GTF2IRD1: variants seen among roughly 807,000 people sequenced by gnomAD.
The protein encoded by GTF2IRD1 is general transcription factor II-I repeat domain-containing protein 1.
A neutral mutation model predicts 113.2 loss-of-function variants in GTF2IRD1; 26 were observed. The observed-to-expected ratio is 0.23, with a 90% confidence interval of 0.17 to 0.32. The LOEUF is 0.32. Ranked by LOEUF, GTF2IRD1 falls within the 10% of genes least tolerant of loss-of-function variation. GTF2IRD1 has a pLI of 1.00. For missense variants in GTF2IRD1, 864 were observed against 1,280.8 expected, an observed-to-expected ratio of 0.67 and a Z score of 4.97; for synonymous variants, 484 against 529.1, an observed-to-expected ratio of 0.91 and a Z score of 1.17.
intron 1 of GTF2IRD1, among the ~76,000 whole-genome samples, chr7:74,488,752 GAA>G (rs1305068522): frequency 2.0e-5 from 3 of 149,744 alleles, no homozygotes; most frequent in African/African-American, 4.9e-5. Flanking sequence ...GGTGACAGAA[GAA>G]AAAAAGAGAG....
chr7:74,479,590 C>T lies in GTF2IRD1; in HGVS notation c.-7+25414C>T, dbSNP rs936679833. Among the ~76,000 whole-genome samples the T allele has an allele frequency of 7.2e-5, 11 of 152,272 alleles. No individual in the cohort carries two copies. The East Asian group carries it at 1.9e-3, about 27-fold the overall frequency. ...CCTGTCTCCCCTCCTCACCTGCAAACGCCAACTCCCCTGGGAGGGTCCCGG... is the reference window on the plus strand; with the variant it reads ...CCTGTCTCCCCTCCTCACCTGCAAATGCCAACTCCCCTGGGAGGGTCCCGG... On this transcript the variant is annotated intron_variant, in intron 1 of 26. Coordinates refer to ENST00000424337, the MANE Select transcript of GTF2IRD1 (RefSeq NM_005685.4).
intron 1 of GTF2IRD1, among the ~76,000 whole-genome samples, chr7:74,496,175 A>G (rs951642723): frequency 1.3e-5 from 2 of 151,194 alleles, no homozygotes; most frequent in Non-Finnish European, 2.9e-5. Context: ...GTATGTGTGT[A>G]TGCATGTGAG....
Position 74,504,962 on chromosome 7 carries a change from C to A in GTF2IRD1, c.-6-3113C>A, listed in dbSNP as rs1455257156. Among the ~76,000 whole-genome samples, 5 of 152,082 alleles carry A rather than the reference C, an allele frequency of 3.3e-5. No homozygotes were observed. In the South Asian group the frequency reaches 1.0e-3, roughly 32 times the overall value. ...ACCTCAAGTGATCTGCCTGCTTCACCCTCTCAAAGCGCTGGGATTACAGAC... is the reference window on the plus strand; with the variant it reads ...ACCTCAAGTGATCTGCCTGCTTCACACTCTCAAAGCGCTGGGATTACAGAC... On this transcript the variant is annotated intron_variant, in intron 1 of 26. Coordinates refer to ENST00000424337, the MANE Select transcript of GTF2IRD1 (RefSeq NM_005685.4).
chr7:74,599,204 G>A (rs1802598183), intron 25 of GTF2IRD1, among the ~76,000 whole-genome samples: 1 of 152,156 alleles, frequency 6.6e-6, no homozygotes, highest in Non-Finnish European at 1.5e-5. Context: ...AGCTTGGGAG[G>A]TGGAGGTTGC....
At chr7:74,600,350 T>G (rs1391742926) in intron 25 of GTF2IRD1, among the ~76,000 whole-genome samples, 13 of 151,980 alleles carry the variant, frequency 8.6e-5, no homozygotes, top group Non-Finnish European at 1.0e-4. Flanking sequence ...GCCCAGGACT[T>G]GGAAGCTGCA....
At position 74,512,433 on chromosome 7, in the gene GTF2IRD1, G is replaced by A. The variant is rs986974361; in HGVS notation, c.124-397G>A. Among the ~76,000 whole-genome samples, 4 of 152,146 alleles carry A rather than the reference G, an allele frequency of 2.6e-5. No homozygotes were observed. Among genetic ancestry groups the A allele is most frequent in the East Asian group, 1.9e-4 (1 of 5,176 alleles). ...CTCAAGTCCCACAGCAGAAGTGGCC[G>A]AGGTGGGATTGCAGCCCCAGTCTGT... On this transcript the variant is annotated intron_variant, in intron 2 of 26. Coordinates refer to ENST00000424337, the MANE Select transcript of GTF2IRD1 (RefSeq NM_005685.4). This position sits in a 1 kb window ranked among gnomAD's most constrained non-coding sequence, Gnocchi z 4.4.
At chr7:74,499,809 C>T (rs1234386475) in intron 1 of GTF2IRD1, among the ~76,000 whole-genome samples, 1 of 151,954 alleles carries the variant, frequency 6.6e-6, no homozygotes, top group Non-Finnish European at 1.5e-5. Flanking sequence ...AATGAATGCA[C>T]ACGAAAGAAA....
intron 17 of GTF2IRD1, among the ~76,000 whole-genome samples, chr7:74,548,433 A>T (rs1466413960): frequency 1.3e-5 from 2 of 151,928 alleles, no homozygotes; most frequent in Non-Finnish European, 2.9e-5. Flanking sequence ...AAAAAAAAAA[A>T]AAGTCCCTTT....
chr7:74,585,219 C>T (rs1484755236), intron 22 of GTF2IRD1, among the ~76,000 whole-genome samples: 3 of 148,848 alleles, frequency 2.0e-5, no homozygotes, highest in Non-Finnish European at 4.4e-5. Flanking sequence ...TCAAGGGATT[C>T]TCCTGCTTCA....
chr7:74,471,978 T>C (rs1794140760), intron 1 of GTF2IRD1, among the ~76,000 whole-genome samples: 1 of 152,100 alleles, frequency 6.6e-6, no homozygotes, highest in South Asian at 2.1e-4. Flanking sequence ...GGCGACAGAA[T>C]GAGACTCTGT....
chr7:74,584,179 G>C (rs184632386), intron 22 of GTF2IRD1, among the ~76,000 whole-genome samples: 11 of 152,164 alleles, frequency 7.2e-5, no homozygotes, highest in South Asian at 2.1e-4. Context: ...AGAGGGCCTG[G>C]GTACGGTGGC....
At chr7:74,485,750 T>C (rs1402251472) in intron 1 of GTF2IRD1, among the ~76,000 whole-genome samples, 2 of 151,992 alleles carry the variant, frequency 1.3e-5, no homozygotes, top group Admixed American at 1.3e-4. Context: ...AGCAAGACTC[T>C]GTCTCTACTA....
At chr7:74,526,872 G>C (rs1797631587) in intron 8 of GTF2IRD1, among the ~76,000 whole-genome samples, 1 of 152,182 alleles carries the variant, frequency 6.6e-6, no homozygotes, top group African/African-American at 2.4e-5. Context: ...CGAGCTAAGT[G>C]TGACATCTCA....
Position 74,574,973 on chromosome 7 carries a change from C to T in GTF2IRD1, c.2321-14878C>T, listed in dbSNP as rs190143723. On this transcript the variant is annotated intron_variant, in intron 22 of 26. Transcript: ENST00000424337. ...AGCATCATGACACACACCTATAATC[C>T]CAGCTACTTGGGAGGCTGAGGCAGG... Among the ~76,000 whole-genome samples, 21 of 152,170 alleles carry T rather than the reference C, an allele frequency of 1.4e-4. 1 individual carries two copies. The highest frequency in any genetic ancestry group is 4.3e-4 in the African/African-American group (18 of 41,490).
chr7:74,510,307 T>C (rs1796548169), intron 2 of GTF2IRD1, among the ~76,000 whole-genome samples: 1 of 70,048 alleles, frequency 1.4e-5, no homozygotes, highest in African/African-American at 8.4e-5. Context: ...CTATTTGCAA[T>C]TTTTTTTTTT....
intron 17 of GTF2IRD1, among the ~76,000 whole-genome samples, chr7:74,547,952 G>A (rs1427733360): frequency 3.3e-5 from 5 of 152,090 alleles, no homozygotes; most frequent in African/African-American, 7.2e-5. Context: ...CCAGGCTGGC[G>A]TGTTGGTGTC....
In GTF2IRD1 at chr7:74,514,480, C is replaced by T. The variant is rs375152755; in HGVS notation, c.266-961C>T. ...GCCGCTATTTATAGCACCAGGAACTCGGCTGGTTTATTTCAAGCTCCGCAG... is the reference window on the plus strand; with the variant it reads ...GCCGCTATTTATAGCACCAGGAACTTGGCTGGTTTATTTCAAGCTCCGCAG... On this transcript the variant is annotated intron_variant, in intron 3 of 26. Coordinates refer to ENST00000424337, the MANE Select transcript of GTF2IRD1 (RefSeq NM_005685.4). Among the ~76,000 whole-genome samples, 19 of 152,156 alleles carry T rather than the reference C, an allele frequency of 1.2e-4. 1 individual carries two copies. The East Asian group carries it at 2.7e-3, about 22-fold the overall frequency.
Position 74,601,205 on chromosome 7 carries a change from C to T in GTF2IRD1, c.2766+25C>T, listed in dbSNP as rs782797764. 83 of 1,558,108 alleles carry T rather than the reference C, an allele frequency of 5.3e-5. 2 individuals are homozygous for T. Among genetic ancestry groups the T allele is most frequent in the Admixed American group, 9.7e-5 (5 of 51,462 alleles). On this transcript the variant is annotated intron_variant, in intron 26 of 26. Coordinates refer to ENST00000424337, the MANE Select transcript of GTF2IRD1 (RefSeq NM_005685.4). ...GGTAAAGTTGCACCGATTTGGACTC[C>T]GGCACTCATCTCTGTGGCCCTCACC...
chr7:74,510,755 T>G (rs1032081687), intron 2 of GTF2IRD1, among the ~76,000 whole-genome samples: 1 of 152,042 alleles, frequency 6.6e-6, no homozygotes, highest in Non-Finnish European at 1.5e-5. Flanking sequence ...TCATAGAAAG[T>G]TACACTGGGT....
Sources: gnomAD v4.1 joint callset for allele counts (sites outside exome capture counted in the v4.1 genomes callset) on GRCh38, gnomAD v4.1.1 for gene constraint, Gnocchi (gnomAD v3.1) non-coding constraint, MANE v1.5 for transcripts, NCBI Gene and HGNC (gene_info 2026-07-23, HGNC 2026-07-21) for gene names.